Variants in PCDHGA2 observed in about 807,000 individuals in gnomAD.
PCDHGA2 encodes the protein protocadherin gamma-A2.
A neutral mutation model predicts 59.2 loss-of-function variants in PCDHGA2; 40 were observed. That is an observed-to-expected ratio of 0.68 (90% CI 0.52 to 0.88). The LOEUF (loss-of-function observed/expected upper bound fraction) is 0.88. Among genes scored for constraint, PCDHGA2 ranks in the 40% least tolerant of loss-of-function variants. The probability of loss-of-function intolerance (pLI) is 0.00; values close to 1 mark genes in which losing one functional copy is unlikely to be tolerated. For synonymous variants in PCDHGA2, 560 were observed against 526.0 expected, an observed-to-expected ratio of 1.06 and a Z score of -0.89; for missense variants, 1,226 against 1,204.0, an observed-to-expected ratio of 1.02 and a Z score of -0.27.
At chr5:141,380,936 C>G (rs905887369) in intron 1 of PCDHGA2, among the ~76,000 whole-genome samples, 1 of 152,194 alleles carries the variant, frequency 6.6e-6, no homozygotes, top group African/African-American at 2.4e-5. Flanking sequence ...ATACACTTTG[C>G]TTGCCTCAAC....
At chr5:141,345,342 C>T in intron 1 of PCDHGA2, 1 of 1,614,044 alleles carries the variant, frequency 6.2e-7, no homozygotes, top group Non-Finnish European at 8.5e-7. Context: ...CACAGAAACT[C>T]ACATCACCCT....
rs769641310 is a variant in PCDHGA2, at chr5:141,477,421, T to G, written c.2425-17386T>G. 1.7e-5 allele frequency: 28 copies of G among 1,614,172 alleles called. No individual in the cohort carries two copies. Among genetic ancestry groups the G allele is most frequent in the Non-Finnish European group, 2.3e-5 (27 of 1,180,028 alleles). On this transcript the variant is annotated intron_variant, in intron 1 of 3. Coordinates refer to ENST00000394576, the MANE Select transcript of PCDHGA2 (RefSeq NM_018915.4). The surrounding 1 kb of genome is among the most constrained non-coding windows in gnomAD (Gnocchi z 4.9). ...TCACCGCCCGAGACGCCGGAACCCC[T>G]TCCCTCTCAGCCCTTACAATAGTGC...
At chr5:141,390,353 T>C (rs2092125983) in intron 1 of PCDHGA2, 3 of 1,554,516 alleles carry the variant, frequency 1.9e-6, no homozygotes, top group African/African-American at 2.8e-5. Flanking sequence ...AAAATATACA[T>C]ATTTGCAGGA....
intron 1 of PCDHGA2, among the ~76,000 whole-genome samples, chr5:141,444,733 G>A (rs1464370133): frequency 6.6e-6 from 1 of 152,106 alleles, no homozygotes; most frequent in Non-Finnish European, 1.5e-5. Flanking sequence ...TTTGTTGAAA[G>A]TCATTTCACT....
At chr5:141,484,750 GTA>G (rs545232987) in intron 1 of PCDHGA2, among the ~76,000 whole-genome samples, 18 of 149,824 alleles carry the variant, frequency 1.2e-4, no homozygotes, top group Admixed American at 4.7e-4. Flanking sequence ...GAAAAAAAAT[GTA>G]TATATATATA....
intron 1 of PCDHGA2, among the ~76,000 whole-genome samples, chr5:141,445,441 C>T (rs1201825256): frequency 6.6e-6 from 1 of 152,152 alleles, no homozygotes; most frequent in Admixed American, 6.6e-5. Context: ...GACCTATGGA[C>T]TAAGGATGCA....
intron 1 of PCDHGA2, chr5:141,428,361 C>T (rs1285334430): frequency 9.0e-6 from 5 of 556,646 alleles, no homozygotes; most frequent in South Asian, 7.5e-5. Context: ...TTTTGGCGGT[C>T]GCCTTGCACC....
intron 1 of PCDHGA2, chr5:141,384,214 T>C (rs1305082096): frequency 6.2e-6 from 10 of 1,613,756 alleles, no homozygotes; most frequent in South Asian, 1.1e-5. Flanking sequence ...AACTCACATA[T>C]TCATGCAGGT....
chr5:141,397,846 A>G (rs1032127108), intron 1 of PCDHGA2: 3 of 528,344 alleles, frequency 5.7e-6, no homozygotes, highest in Non-Finnish European at 9.9e-6. Flanking sequence ...GAAGCCGCAG[A>G]GGCTGTAGTT....
chr5:141,421,713 T>G, intron 1 of PCDHGA2: 1 of 1,613,932 alleles, frequency 6.2e-7, no homozygotes, highest in South Asian at 1.1e-5. Flanking sequence ...GGGATCCAGA[T>G]GTGGGCGTGA....
At chr5:141,376,255 G>A (rs1380740739) in intron 1 of PCDHGA2, 6 of 1,614,256 alleles carry the variant, frequency 3.7e-6, no homozygotes, top group Non-Finnish European at 3.4e-6. Context: ...AGTCACGCCT[G>A]CTGCAGGCTT....
At chr5:141,403,890 C>A in intron 1 of PCDHGA2, 1 of 1,613,714 alleles carries the variant, frequency 6.2e-7, no homozygotes, top group Non-Finnish European at 8.5e-7. Flanking sequence ...GAAGAATGTT[C>A]ATTTTATGAA....
At chr5:141,356,976 G>C in intron 1 of PCDHGA2, 3 of 1,614,248 alleles carry the variant, frequency 1.9e-6, no homozygotes, top group Non-Finnish European at 2.5e-6. Context: ...CCAAAGTGGT[G>C]GCAGTGGACA....
intron 1 of PCDHGA2, chr5:141,388,359 G>T: frequency 6.2e-7 from 1 of 1,614,026 alleles, no homozygotes; most frequent in South Asian, 1.1e-5. Flanking sequence ...ATCTGCCCAT[G>T]ATGCGGATAT....
intron 2 of PCDHGA2, among the ~76,000 whole-genome samples, chr5:141,496,775 GCAGGGCC>G (rs1025427712): frequency 6.6e-6 from 1 of 152,038 alleles, no homozygotes; most frequent in Non-Finnish European, 1.5e-5. Flanking sequence ...TCTACTATGA[GCAGGGCC>G]CTGTGCTAAA....
chr5:141,364,220 C>A, intron 1 of PCDHGA2: 2 of 1,327,422 alleles, frequency 1.5e-6, no homozygotes, highest in South Asian at 3.3e-5. Context: ...CTACGAAAAG[C>A]CAACGCTCCA....
At position 141,431,052 on chromosome 5, in the gene PCDHGA2, G is replaced by T. The variant is rs148326556; in HGVS notation, c.2425-63755G>T. 7.4e-6 allele frequency: 12 copies of T among 1,614,110 alleles called. No homozygotes were observed. The African/African-American group carries it at 1.6e-4, about 22-fold the overall frequency. On this transcript the variant is annotated intron_variant, in intron 1 of 3. Coordinates refer to ENST00000394576, the MANE Select transcript of PCDHGA2 (RefSeq NM_018915.4). The surrounding 1 kb of genome is among the most constrained non-coding windows in gnomAD (Gnocchi z 4.8). ...ATAGACCGGGAGGAGCTCTGTATGG[G>T]GGCCATCAAGTGTCAATTAAATCTA...
At chr5:141,502,093 G>C (rs1037154464) in intron 2 of PCDHGA2, among the ~76,000 whole-genome samples, 27 of 152,112 alleles carry the variant, frequency 1.8e-4, no homozygotes, top group Admixed American at 1.7e-3. Flanking sequence ...AGAACACCTG[G>C]CCTTGACCCT....
chr5:141,393,742 A>T, intron 1 of PCDHGA2: 1 of 1,613,902 alleles, frequency 6.2e-7, no homozygotes, highest in Non-Finnish European at 8.5e-7. Flanking sequence ...CTAGATTATG[A>T]AGAATGTTCA....
Sources: gnomAD v4.1 joint callset for allele counts (sites outside exome capture counted in the v4.1 genomes callset) on GRCh38, gnomAD v4.1.1 for gene constraint, Gnocchi (gnomAD v3.1) non-coding constraint, MANE v1.5 for transcripts, NCBI Gene and HGNC (gene_info 2026-07-23, HGNC 2026-07-21) for gene names.